Variants in DYNC1I1 observed in about 807,000 individuals in gnomAD.
The protein encoded by DYNC1I1 is dynein cytoplasmic 1 intermediate chain 1, also known as cytoplasmic dynein 1 intermediate chain 1.
A neutral mutation model predicts 86.6 loss-of-function variants in DYNC1I1; 43 were observed. The observed-to-expected ratio is 0.50, with a 90% confidence interval of 0.39 to 0.64. The LOEUF is 0.64. DYNC1I1 is among the 30% of genes least tolerant of loss of function. The probability of loss-of-function intolerance (pLI) is 0.00; values close to 1 mark genes in which losing one functional copy is unlikely to be tolerated. For missense variants in DYNC1I1, 604 were observed against 788.8 expected (o/e 0.77, Z 2.81); for synonymous variants, 262 against 283.7 (o/e 0.92, Z 0.77).
At chr7:96,034,895 T>C (rs1342048591) in intron 12 of DYNC1I1, among the ~76,000 whole-genome samples, 3 of 152,240 alleles carry the variant, frequency 2.0e-5, no homozygotes, top group Non-Finnish European at 4.4e-5. Context: ...GGCTATTTGA[T>C]GTAAATAGCC....
At chr7:96,077,871 C>T (rs1790390967) in intron 15 of DYNC1I1, among the ~76,000 whole-genome samples, 1 of 152,054 alleles carries the variant, frequency 6.6e-6, no homozygotes, top group South Asian at 2.1e-4. Context: ...CCTTCTCTTT[C>T]TCTAGATATC....
intron 10 of DYNC1I1, among the ~76,000 whole-genome samples, chr7:96,002,995 C>T (rs1794050808): frequency 6.6e-6 from 1 of 152,060 alleles, no homozygotes; most frequent in African/African-American, 2.4e-5. Context: ...AGGCGCACAC[C>T]ACCACGCCCA....
intron 14 of DYNC1I1, among the ~76,000 whole-genome samples, chr7:96,060,752 CT>C (rs759117177): frequency 4.6e-4 from 70 of 151,942 alleles, no homozygotes; most frequent in Non-Finnish European, 6.2e-4. Flanking sequence ...TGGGAAATCT[CT>C]GTATACTTTC....
intron 16 of DYNC1I1, 56 bp from the exon 17 acceptor site, chr7:96,097,427 G>A (rs1791047656): frequency 6.3e-7 from 1 of 1,594,412 alleles, no homozygotes; most frequent in Non-Finnish European, 8.6e-7. Context: ...AGGCTTCAAG[G>A]CTTTCAGACA....
chr7:95,826,460 G>A (rs1310026596), intron 4 of DYNC1I1, among the ~76,000 whole-genome samples: 1 of 152,196 alleles, frequency 6.6e-6, no homozygotes, highest in Non-Finnish European at 1.5e-5. Flanking sequence ...AGGTATACCT[G>A]CATTTAATCC....
chr7:96,047,911 A>G (rs1789265892), intron 14 of DYNC1I1, among the ~76,000 whole-genome samples: 1 of 152,208 alleles, frequency 6.6e-6, no homozygotes, highest in South Asian at 2.1e-4. Context: ...CCAGAGGAAG[A>G]TTATTTCAAG....
At chr7:95,887,880 T>A (rs1159282739) in intron 6 of DYNC1I1, among the ~76,000 whole-genome samples, 1 of 152,124 alleles carries the variant, frequency 6.6e-6, no homozygotes, top group East Asian at 1.9e-4. Context: ...TTAATCAGAC[T>A]CTCAAAGTTA....
At chr7:95,885,112 G>A (rs1790559396) in intron 6 of DYNC1I1, among the ~76,000 whole-genome samples, 1 of 152,094 alleles carries the variant, frequency 6.6e-6, no homozygotes, top group African/African-American at 2.4e-5. Flanking sequence ...GAAACCCTGT[G>A]TTTTCTCCTG....
At chr7:95,777,671 G>A (rs1425979458) in intron 1 of DYNC1I1, among the ~76,000 whole-genome samples, 2 of 152,152 alleles carry the variant, frequency 1.3e-5, no homozygotes, top group African/African-American at 4.8e-5. Flanking sequence ...AACAGCTAAT[G>A]CCATCAATGT....
At chr7:95,987,707 T>C (rs994099341) in intron 9 of DYNC1I1, among the ~76,000 whole-genome samples, 1 of 152,142 alleles carries the variant, frequency 6.6e-6, no homozygotes. Flanking sequence ...CCTATTTATA[T>C]CTCCCGCCCA....
intron 1 of DYNC1I1, among the ~76,000 whole-genome samples, chr7:95,786,602 A>C (rs535179737): frequency 6.6e-6 from 1 of 152,164 alleles, no homozygotes; most frequent in African/African-American, 2.4e-5. Context: ...CATAAAGATA[A>C]ATTTAGCATC....
At chr7:95,813,621 G>A (rs1259810546) in intron 4 of DYNC1I1, among the ~76,000 whole-genome samples, 1 of 152,046 alleles carries the variant, frequency 6.6e-6, no homozygotes, top group Non-Finnish European at 1.5e-5. Context: ...GCTTAAAAAA[G>A]GCAGGGAGAA....
chr7:95,945,677 T>G (rs1027067217), intron 6 of DYNC1I1, among the ~76,000 whole-genome samples: 2 of 139,482 alleles, frequency 1.4e-5, no homozygotes, highest in African/African-American at 5.1e-5. Flanking sequence ...ATGACCCAAC[T>G]GGCACATAAT....
intron 5 of DYNC1I1, among the ~76,000 whole-genome samples, chr7:95,861,468 A>G (rs1171890747): frequency 1.3e-5 from 2 of 152,158 alleles, no homozygotes; most frequent in African/African-American, 2.4e-5. Context: ...ATATTCTCTG[A>G]TATGCGCCTT....
At chr7:96,049,584 G>C (rs758849521) in intron 14 of DYNC1I1, among the ~76,000 whole-genome samples, 9 of 152,026 alleles carry the variant, frequency 5.9e-5, no homozygotes, top group Non-Finnish European at 1.2e-4. Context: ...GTCTTAATAG[G>C]ATTAGTGATA....
intron 1 of DYNC1I1, among the ~76,000 whole-genome samples, chr7:95,789,285 A>C (rs989544222): frequency 3.3e-5 from 5 of 152,228 alleles, no homozygotes; most frequent in African/African-American, 1.2e-4. Context: ...TGATGGGGCA[A>C]ATAGCAAATA....
At chr7:96,026,003 CT>C (rs1157859979) in intron 10 of DYNC1I1, among the ~76,000 whole-genome samples, 12 of 152,062 alleles carry the variant, frequency 7.9e-5, no homozygotes, top group African/African-American at 2.9e-4. Context: ...CTTTCTGAAG[CT>C]TTAAAAAAAA....
At chr7:95,910,896 C>G (rs975889400) in intron 6 of DYNC1I1, among the ~76,000 whole-genome samples, 3 of 152,142 alleles carry the variant, frequency 2.0e-5, no homozygotes, top group African/African-American at 7.2e-5. Flanking sequence ...GTAATATTGG[C>G]CATCATCATC....
At chr7:95,828,634 A>C (rs1795254929) in intron 5 of DYNC1I1, among the ~76,000 whole-genome samples, 1 of 152,310 alleles carries the variant, frequency 6.6e-6, no homozygotes, top group South Asian at 2.1e-4. Context: ...AAATTAATTG[A>C]ATACCTTGAT....
Sources: gnomAD v4.1 joint callset for allele counts (sites outside exome capture counted in the v4.1 genomes callset) on GRCh38, gnomAD v4.1.1 for gene constraint, MANE v1.5 for transcripts, NCBI Gene and HGNC (gene_info 2026-07-23, HGNC 2026-07-21) for gene names.